OR4N5: variants seen among roughly 807,000 people sequenced by gnomAD.
OR4N5 encodes olfactory receptor 4N5.
For missense variants in OR4N5, 428 were observed against 370.0 expected, an observed-to-expected ratio of 1.16 and a Z score of -1.29; for synonymous variants, 155 against 140.6, an observed-to-expected ratio of 1.10 and a Z score of -0.72.
In OR4N5 at chr14:20,140,891, T is replaced by G. The variant is rs1245047760; in HGVS notation, c.-332T>G. 6.6e-6 allele frequency: 1 copy of G among 152,006 alleles called. No homozygotes were observed. Among genetic ancestry groups the G allele is most frequent in the Non-Finnish European group, 1.5e-5 (1 of 67,984 alleles). 9.4% of individuals were successfully genotyped at this position (152,006 alleles called of 1,614,324 possible). ...ATCCATTGTTTGGTGCTTTTTTTTTTTCGGGAACTCATTTTGTACAGAGGA... is the reference window on the plus strand; with the variant it reads ...ATCCATTGTTTGGTGCTTTTTTTTTGTCGGGAACTCATTTTGTACAGAGGA... On this transcript the variant is annotated 5_prime_UTR_variant, in exon 2 of 3. Transcript: ENST00000641086.
intron 1 of OR4N5, among the ~76,000 whole-genome samples, chr14:20,139,704 C>T (rs1878579753): frequency 6.6e-6 from 1 of 152,094 alleles, no homozygotes; most frequent in Admixed American, 6.6e-5. Flanking sequence ...ATCATATTCC[C>T]TCTACCCTGT....
chr14:20,142,939 T>C (rs1378099702), intron 2 of OR4N5, among the ~76,000 whole-genome samples: 3 of 152,192 alleles, frequency 2.0e-5, no homozygotes, highest in Admixed American at 6.6e-5. Flanking sequence ...AAAATGTTTG[T>C]GAAAAGAATA....
At position 20,144,790 on chromosome 14, in the gene OR4N5, A is replaced by G; in HGVS notation, c.*128A>G. ...TAATTATTAAGTACTTCCCATTTTC[A>G]GGCACTATTCCAGGCATATGAATGA... is the stretch of plus-strand genomic sequence containing the variant. On this transcript the variant is annotated 3_prime_UTR_variant, in exon 3 of 3. Coordinates refer to ENST00000641086, the MANE Select transcript of OR4N5 (RefSeq NM_001004724.2). The G allele has an allele frequency of 1.6e-6, 1 of 638,106 alleles. No individual in the cohort carries two copies. The highest frequency in any genetic ancestry group is 2.7e-6 in the Non-Finnish European group (1 of 370,970). 39.5% of individuals were successfully genotyped at this position (638,106 alleles called of 1,614,324 possible). A position where few individuals can be genotyped will look rare whatever the true frequency, so the allele number is the denominator to read the frequency against.
rs1423852689 is a variant in OR4N5 at position 20,145,207 on chromosome 14, G to A, written c.*545G>A. 1 of 152,184 alleles carries A rather than the reference G, an allele frequency of 6.6e-6. No homozygotes were observed. Among genetic ancestry groups the A allele is most frequent in the African/African-American group, 2.4e-5 (1 of 41,430 alleles). 9.4% of individuals were successfully genotyped at this position (152,184 alleles called of 1,614,324 possible). On this transcript the variant is annotated 3_prime_UTR_variant, in exon 3 of 3. Coordinates refer to ENST00000641086, the MANE Select transcript of OR4N5 (RefSeq NM_001004724.2). ...CAGCTGTACTATATTTAGTGAATGT[G>A]AAAATGGCAAAAATTGAAGTCAAAG...
rs149666743 is a variant in OR4N5 at position 20,140,618 on chromosome 14, C to A, written c.-380-225C>A. On this transcript the variant is annotated intron_variant, in intron 1 of 2. Transcript: ENST00000641086. Reference sequence around the variant, plus strand: ...GCTCTGCAGTCTGGAAGCTGTTGTGCGGGACAGTATGGGGACCCTCTCCAC... The same window carrying A: ...GCTCTGCAGTCTGGAAGCTGTTGTGAGGGACAGTATGGGGACCCTCTCCAC... 3.5e-3 allele frequency among the ~76,000 whole-genome samples: 539 copies of A among 152,216 alleles called. 2 individuals are homozygous for A. The highest frequency in any genetic ancestry group is 5.1e-3 in the Non-Finnish European group (344 of 68,004).
At chr14:20,139,122 G>A (rs1323226704) in intron 1 of OR4N5, among the ~76,000 whole-genome samples, 1 of 151,846 alleles carries the variant, frequency 6.6e-6, no homozygotes, top group Non-Finnish European at 1.5e-5. Flanking sequence ...TATTTTAAAG[G>A]TGCTAAAATT....
Position 20,144,242 on chromosome 14 carries a change from T to C in OR4N5, c.507T>C (p.Cys169=). The C allele has an allele frequency of 6.2e-7, 1 of 1,614,120 alleles. No individual in the cohort carries two copies. Residue 169 remains cysteine (C), a synonymous_variant, in exon 3 of 3, where the codon TGT becomes TGC. Transcript: ENST00000641086. ...QVALILHLPF[C]GPNQLDNFFC... is the part of the protein sequence containing the mutation. Reference sequence around the variant, plus strand: ...CCCTTATCCTGCACTTGCCTTTCTGTGGCCCAAACCAGCTCGATAACTTCT... The same window carrying C: ...CCCTTATCCTGCACTTGCCTTTCTGCGGCCCAAACCAGCTCGATAACTTCT...
Position 20,143,742 on chromosome 14 carries a change from A to T in OR4N5, c.7A>T (p.Thr3Ser). METQNLTVVTEFI... is the reference protein window; with the variant it reads MESQNLTVVTEFI... ...TTCTGCAGAGTGAGAAATTATGGAA[A>T]CACAGAACCTCACAGTGGTGACAGA... Residue 3 changes from threonine (T) to serine (S), a missense_variant, in exon 3 of 3, where the codon ACA becomes TCA. Physicochemically the swap from Thr to Ser is moderately conservative, Grantham distance 58 (BLOSUM62 1). Transcript: ENST00000641086. 6.2e-7 allele frequency: 1 copy of T among 1,601,258 alleles called. No homozygotes were observed. Among genetic ancestry groups the T allele is most frequent in the South Asian group, 1.1e-5 (1 of 89,044 alleles).
rs545005118 is a variant in OR4N5, at chr14:20,138,873, C to A, written c.-398C>A. The A allele has an allele frequency of 6.6e-6, 1 of 151,688 alleles. No individual in the cohort carries two copies. The highest frequency in any genetic ancestry group is 2.1e-4 in the South Asian group (1 of 4,794). The allele number at this position is 151,688 out of a possible 1,614,324, so 9.4% of individuals were successfully genotyped here. A position where few individuals can be genotyped will look rare whatever the true frequency, so the allele number is the denominator to read the frequency against. On this transcript the variant is annotated 5_prime_UTR_variant, in exon 1 of 3. Coordinates refer to ENST00000641086, the MANE Select transcript of OR4N5 (RefSeq NM_001004724.2). Reference sequence around the variant, plus strand: ...AGAATAGCCACTTGTTTGAGAGTAGCATTTGGCTCCCGGCAAGGTAAAATT... The same window carrying A: ...AGAATAGCCACTTGTTTGAGAGTAGAATTTGGCTCCCGGCAAGGTAAAATT...
Position 20,144,103 on chromosome 14 carries a change from ACATCGC to A in OR4N5, c.373_378del (p.Ala125_Ile126del). 6.2e-7 allele frequency: 1 copy of A among 1,614,100 alleles called. No homozygotes were observed. Among genetic ancestry groups the A allele is most frequent in the Non-Finnish European group, 8.5e-7 (1 of 1,179,996 alleles). ...CTCGTTGTGATGGCCTTTGACCGCT[ACATCGC>A]CATCTGCCGGCCTTTACACTATTCA... On this transcript the variant is annotated inframe_deletion, in exon 3 of 3. Coordinates refer to ENST00000641086, the MANE Select transcript of OR4N5 (RefSeq NM_001004724.2).
Position 20,144,696 on chromosome 14 carries a change from TC to T in OR4N5, c.*36del. 7.2e-7 allele frequency: 1 copy of T among 1,396,484 alleles called. No homozygotes were observed. Among genetic ancestry groups the T allele is most frequent in the South Asian group, 1.3e-5 (1 of 76,838 alleles). The allele number at this position is 1,396,484 out of a possible 1,614,324, so 86.5% of individuals were successfully genotyped here. Reference sequence around the variant, plus strand: ...AAGAGAAAAGCAAGAACGGAGAAAGTCCAGTTGAATTTAGCTAAATCATTTC... The same window carrying T: ...AAGAGAAAAGCAAGAACGGAGAAAGTCAGTTGAATTTAGCTAAATCATTTC... On this transcript the variant is annotated 3_prime_UTR_variant, in exon 3 of 3. Transcript: ENST00000641086.
chr14:20,140,057 G>T (rs924338518), intron 1 of OR4N5, among the ~76,000 whole-genome samples: 1 of 152,108 alleles, frequency 6.6e-6, no homozygotes, highest in Non-Finnish European at 1.5e-5. Context: ...AAGCACTTTA[G>T]GTCTGTAGAA....
Position 20,143,828 on chromosome 14 carries a change from C to G in OR4N5, c.93C>G (p.Val31=), listed in dbSNP as rs1466321576. ...QDAQLLVFVL[V]LIFYLIILPG... is the part of the protein sequence containing the mutation. ...CTCAACTTCTGGTCTTTGTGCTAGT[C>G]TTAATTTTCTACCTTATCATCCTCC... is the stretch of plus-strand genomic sequence containing the variant. Residue 31 remains valine, a synonymous_variant, in exon 3 of 3, where the codon GTC becomes GTG. Transcript: ENST00000641086. 1 of 1,614,026 alleles carries G rather than the reference C, an allele frequency of 6.2e-7. No homozygotes were observed. The highest frequency in any genetic ancestry group is 1.1e-5 in the South Asian group (1 of 91,078).
At chr14:20,141,318 A>T (rs1878611463) in intron 2 of OR4N5, 107 bp downstream of exon 2, 1 of 152,192 alleles carries the variant, frequency 6.6e-6, no homozygotes, top group African/African-American at 2.4e-5. Flanking sequence ...TGGGTAAAAA[A>T]GAAACAGAAA....
intron 1 of OR4N5, among the ~76,000 whole-genome samples, chr14:20,140,172 A>T (rs1489475606): frequency 2.0e-5 from 3 of 152,218 alleles, no homozygotes; most frequent in Non-Finnish European, 4.4e-5. Context: ...AAGGGTAGGC[A>T]TTGAATATAT....
chr14:20,141,417 A>T (rs955173860), intron 2 of OR4N5, among the ~76,000 whole-genome samples: 1 of 152,232 alleles, frequency 6.6e-6, no homozygotes, highest in Non-Finnish European at 1.5e-5. Context: ...ACAAGTGTGA[A>T]TATGTATTTG....
chr14:20,143,847 A>G lies in OR4N5; in HGVS notation c.112A>G (p.Ile38Val). The G allele has an allele frequency of 1.2e-6, 2 of 1,613,958 alleles. No individual in the cohort carries two copies. The highest frequency in any genetic ancestry group is 1.1e-5 in the South Asian group (1 of 91,076). Residue 38 changes from isoleucine to valine, a missense_variant, in exon 3 of 3, where the codon ATC (isoleucine) becomes GTC (valine). Transcript: ENST00000641086. Reference sequence around the variant, plus strand: ...GCTAGTCTTAATTTTCTACCTTATCATCCTCCCTGGAAATTTCCTCATCAT... The same window carrying G: ...GCTAGTCTTAATTTTCTACCTTATCGTCCTCCCTGGAAATTTCCTCATCAT... ...FVLVLIFYLI[I>V]LPGNFLIIFT...
In OR4N5 at chr14:20,144,314, T is replaced by C; in HGVS notation, c.579T>C (p.Phe193=). 1 of 1,614,042 alleles carries C rather than the reference T, an allele frequency of 6.2e-7. No individual in the cohort carries two copies. The highest frequency in any genetic ancestry group is 1.1e-5 in the South Asian group (1 of 91,084). Residue 193 remains phenylalanine (F), a synonymous_variant, in exon 3 of 3, where the codon TTT becomes TTC. Coordinates refer to ENST00000641086, the MANE Select transcript of OR4N5 (RefSeq NM_001004724.2). ...TCAAGCTGGCCTGCACCAATACCTT[T>C]GTGGTGGAGCTTCTGATGGTCTCCA... The part of the protein sequence containing the change: ...QVIKLACTNT[F]VVELLMVSNS...
chr14:20,139,182 A>T (rs1939962451), intron 1 of OR4N5, among the ~76,000 whole-genome samples: 1 of 152,136 alleles, frequency 6.6e-6, no homozygotes, highest in African/African-American at 2.4e-5. Flanking sequence ...GATTATGAAG[A>T]TTCACCACCT....
Sources: gnomAD v4.1 joint callset for allele counts (sites outside exome capture counted in the v4.1 genomes callset) on GRCh38, gnomAD v4.1.1 for gene constraint, MANE v1.5 for transcripts, NCBI Gene and HGNC (gene_info 2026-07-23, HGNC 2026-07-21) for gene names.